ST18: variants seen among roughly 807,000 people sequenced by gnomAD.
ST18 encodes the protein ST18 C2H2C-type zinc finger transcription factor, also known as suppression of tumorigenicity 18 protein.
In ST18, 50 loss-of-function variants were observed where a neutral mutation model predicts 110.0. The ratio of observed to expected loss-of-function variants is 0.45; its 90% CI spans 0.36 to 0.58. ST18 has a LOEUF of 0.58. Among genes scored for constraint, ST18 ranks in the 20% least tolerant of loss-of-function variants. The probability of loss-of-function intolerance (pLI) is 0.00; values close to 1 mark genes in which losing one functional copy is unlikely to be tolerated. For missense variants in ST18, 1,306 were observed against 1,280.1 expected (o/e 1.02, Z -0.31); for synonymous variants, 461 against 452.4 (o/e 1.02, Z -0.24).
At chr8:52,156,339 G>A (rs1367611110) in intron 15 of ST18, among the ~76,000 whole-genome samples, 1 of 152,196 alleles carries the variant, frequency 6.6e-6, no homozygotes, top group Non-Finnish European at 1.5e-5. Flanking sequence ...TTGGAGTAAG[G>A]AGAAGCTGTA....
intron 2 of ST18, among the ~76,000 whole-genome samples, chr8:52,377,999 T>C (rs1833056199): frequency 6.6e-6 from 1 of 152,142 alleles, no homozygotes; most frequent in African/African-American, 2.4e-5. Flanking sequence ...AAGACAATAA[T>C]TTGGAAACAC....
chr8:52,194,214 TTTCCTCTGAATCGTG>T (rs1157912781), intron 8 of ST18: 1 of 152,154 alleles, frequency 6.6e-6, no homozygotes, highest in African/African-American at 2.4e-5. Flanking sequence ...TAACAGGAAA[TTTCCTCTGAATCGTG>T]AGGTAATAGT....
chr8:52,384,020 T>C (rs1835585087), intron 2 of ST18, among the ~76,000 whole-genome samples: 1 of 152,188 alleles, frequency 6.6e-6, no homozygotes, highest in South Asian at 2.1e-4. Context: ...ACAGGACTTT[T>C]AAACATGATT....
rs140359772 is a variant in ST18, at chr8:52,124,210, C to G, written c.2755+1842G>C. 4.5e-3 allele frequency among the ~76,000 whole-genome samples: 689 copies of G among 151,710 alleles called. 8 individuals carry two copies. The highest frequency in any genetic ancestry group is 0.015 in the African/African-American group (635 of 41,298). On this transcript the variant is annotated intron_variant, in intron 23 of 25. Transcript: ENST00000689386. Reference sequence around the variant, plus strand: ...TTTTTTTTTGAGACAGAGTCTCACTCTGTTGCCCAGGCTGGAGTGCGGTGG... The same window carrying G: ...TTTTTTTTTGAGACAGAGTCTCACTGTGTTGCCCAGGCTGGAGTGCGGTGG...
intron 8 of ST18, among the ~76,000 whole-genome samples, chr8:52,189,909 G>A (rs1454206159): frequency 6.6e-6 from 1 of 152,184 alleles, no homozygotes; most frequent in Admixed American, 6.5e-5. Context: ...TAGTGCGGTA[G>A]GAGCTAATAA....
chr8:52,300,680 G>A (rs1480352737), intron 2 of ST18, among the ~76,000 whole-genome samples: 1 of 152,140 alleles, frequency 6.6e-6, no homozygotes, highest in Non-Finnish European at 1.5e-5. Context: ...ACATTTCAGT[G>A]TTCAAAATAA....
chr8:52,307,258 C>G (rs2095829574), intron 2 of ST18, among the ~76,000 whole-genome samples: 1 of 152,010 alleles, frequency 6.6e-6, no homozygotes, highest in African/African-American at 2.4e-5. Flanking sequence ...AAAATGACTC[C>G]CTAAAGTTCT....
At chr8:52,224,229 C>G (rs1432240139) in intron 3 of ST18, among the ~76,000 whole-genome samples, 4 of 152,178 alleles carry the variant, frequency 2.6e-5, no homozygotes, top group African/African-American at 9.7e-5. Flanking sequence ...TGCATAACCA[C>G]TTTTGCTCCA....
chr8:52,226,241 A>C (rs1486067458), intron 3 of ST18, among the ~76,000 whole-genome samples: 2 of 152,192 alleles, frequency 1.3e-5, no homozygotes, highest in African/African-American at 4.8e-5. Flanking sequence ...GACCATGAAT[A>C]GTAAAGTTAT....
chr8:52,191,823 TTAGC>T (rs1487207630), intron 8 of ST18, among the ~76,000 whole-genome samples: 3 of 152,092 alleles, frequency 2.0e-5, no homozygotes, highest in Admixed American at 6.5e-5. Context: ...AGCGAAGAGC[TTAGC>T]TAGTCAGGCA....
intron 17 of ST18, among the ~76,000 whole-genome samples, chr8:52,139,800 T>A (rs976809942): frequency 6.6e-6 from 1 of 152,234 alleles, no homozygotes; most frequent in African/African-American, 2.4e-5. Flanking sequence ...TTTTTAAGTT[T>A]GGTTGTATTA....
chr8:52,176,542 T>A (rs532053306), intron 9 of ST18, among the ~76,000 whole-genome samples: 1 of 152,290 alleles, frequency 6.6e-6, no homozygotes, highest in South Asian at 2.1e-4. Context: ...CCTTTCTCCA[T>A]CCGGAGCACA....
At chr8:52,283,947 T>C (rs2095428288) in intron 2 of ST18, among the ~76,000 whole-genome samples, 1 of 152,194 alleles carries the variant, frequency 6.6e-6, no homozygotes, top group South Asian at 2.1e-4. Context: ...TGAATGAACA[T>C]GGCAAATCCA....
Position 52,111,229 on chromosome 8 carries a change from A to G in ST18, c.*1969T>C. The G allele has an allele frequency of 2.8e-6, 1 of 353,490 alleles. No homozygotes were observed. Among genetic ancestry groups the G allele is most frequent in the Non-Finnish European group, 5.1e-6 (1 of 197,852 alleles). The allele number at this position is 353,490 out of a possible 1,614,324, so 21.9% of individuals were successfully genotyped here. A position where few individuals can be genotyped will look rare whatever the true frequency, so the allele number is the denominator to read the frequency against. On this transcript the variant is annotated 3_prime_UTR_variant, in exon 26 of 26. Coordinates refer to ENST00000689386, the MANE Select transcript of ST18 (RefSeq NM_001352837.2). Reference sequence around the variant, plus strand: ...TTTTAAATTAAATAAAATATATAACAAACTTGTTAAAATATTTAGCAAATT... The same window carrying G: ...TTTTAAATTAAATAAAATATATAACGAACTTGTTAAAATATTTAGCAAATT...
In ST18 at chr8:52,255,354, A is replaced by C. The variant is rs780548103; in HGVS notation, c.-464-25277T>G. Among the ~76,000 whole-genome samples, 11 of 152,310 alleles carry C rather than the reference A, an allele frequency of 7.2e-5. 1 individual carries two copies. The highest frequency in any genetic ancestry group is 5.8e-4 in the East Asian group (3 of 5,190). On this transcript the variant is annotated intron_variant, in intron 2 of 25. Coordinates refer to ENST00000689386, the MANE Select transcript of ST18 (RefSeq NM_001352837.2). ...TCCCACTCCTAATAGTATTTTTAAA[A>C]ATTAAGTAATGGAAAAGGCAGTCTA...
At chr8:52,208,433 T>C (rs1244271162) in intron 8 of ST18, among the ~76,000 whole-genome samples, 2 of 152,214 alleles carry the variant, frequency 1.3e-5, no homozygotes, top group Non-Finnish European at 2.9e-5. Flanking sequence ...ATTTAAAAGA[T>C]GCTAAAAATA....
At chr8:52,208,269 G>A (rs1414791045) in intron 8 of ST18, among the ~76,000 whole-genome samples, 1 of 152,184 alleles carries the variant, frequency 6.6e-6, no homozygotes, top group Non-Finnish European at 1.5e-5. Context: ...ACCAAATAAA[G>A]TTGCCAGTGT....
intron 9 of ST18, among the ~76,000 whole-genome samples, chr8:52,173,364 C>T (rs1399511442): frequency 2.0e-5 from 3 of 152,182 alleles, no homozygotes; most frequent in Non-Finnish European, 2.9e-5. Flanking sequence ...TAGCTGTTTT[C>T]AGTACAAGGC....
At chr8:52,313,622 G>A (rs1294160976) in intron 2 of ST18, 1 of 152,284 alleles carries the variant, frequency 6.6e-6, no homozygotes, top group African/African-American at 2.4e-5. Context: ...GCACCCCTTG[G>A]CTGTGAAGAG....
Sources: allele counts gnomAD v4.1 joint callset (sites outside exome capture counted in the v4.1 genomes callset), GRCh38; gene constraint gnomAD v4.1.1; transcripts MANE v1.5; gene names NCBI Gene and HGNC (gene_info 2026-07-23, HGNC 2026-07-21).